Variants in MACROD2 observed in about 807,000 individuals in gnomAD.
The protein encoded by MACROD2 is mono-ADP ribosylhydrolase 2.
MACROD2 carries 36 observed loss-of-function variants against 70.4 expected under a neutral mutation model. That is an observed-to-expected ratio of 0.51 (90% CI 0.39 to 0.68). The LOEUF is 0.68. Ranked by LOEUF, MACROD2 falls within the 30% of genes least tolerant of loss-of-function variation. MACROD2 has a pLI of 0.00. For missense variants in MACROD2, 496 were observed against 538.4 expected, an observed-to-expected ratio of 0.92 and a Z score of 0.78; for synonymous variants, 172 against 178.8, an observed-to-expected ratio of 0.96 and a Z score of 0.30.
chr20:15,288,045 T>A (rs921808136), intron 6 of MACROD2, among the ~76,000 whole-genome samples: 1 of 152,234 alleles, frequency 6.6e-6, no homozygotes, highest in Non-Finnish European at 1.5e-5. Context: ...TAGAGTTAGG[T>A]AACCTGATTT....
rs185941689 is a variant in MACROD2 at position 15,288,427 on chromosome 20, C to T, written c.540+58366C>T. On this transcript the variant is annotated intron_variant, in intron 6 of 17. Coordinates refer to ENST00000684519, the MANE Select transcript of MACROD2 (RefSeq NM_001351661.2). ...AATTGACTGGACTAAGGGATACCCA[C>T]CTAATTGGTAGAACGTTATTTCTAG... 1.4e-4 allele frequency among the ~76,000 whole-genome samples: 22 copies of T among 152,238 alleles called. No individual in the cohort carries two copies. The East Asian group carries it at 3.9e-3, about 27-fold the overall frequency.
chr20:15,380,530 AC>A (rs1468052194), intron 6 of MACROD2, among the ~76,000 whole-genome samples: 1 of 152,120 alleles, frequency 6.6e-6, no homozygotes, highest in Non-Finnish European at 1.5e-5. Flanking sequence ...AATATGCAAA[AC>A]GAATCACTTC....
chr20:15,921,109 CCCATGGCTCCCAG>C (rs1190881967), intron 10 of MACROD2, among the ~76,000 whole-genome samples: 45 of 152,154 alleles, frequency 3.0e-4, no homozygotes, highest in Admixed American at 2.9e-3. Context: ...AGAGAACCCA[CCCATGGCTCCCAG>C]CTGCCCCCGT....
At chr20:14,404,211 G>A (rs958552959) in intron 3 of MACROD2, among the ~76,000 whole-genome samples, 6 of 152,138 alleles carry the variant, frequency 3.9e-5, no homozygotes, top group Non-Finnish European at 7.3e-5. Flanking sequence ...TATATATCTA[G>A]TCAGAGTTCC....
At chr20:15,887,311 C>T (rs1393957707) in intron 10 of MACROD2, among the ~76,000 whole-genome samples, 1 of 152,136 alleles carries the variant, frequency 6.6e-6, no homozygotes, top group Non-Finnish European at 1.5e-5. Flanking sequence ...CCAGTCCAAA[C>T]ATGTCTGATT....
chr20:15,604,104 G>T (rs2048860751), intron 8 of MACROD2, among the ~76,000 whole-genome samples: 1 of 152,044 alleles, frequency 6.6e-6, no homozygotes, highest in Non-Finnish European at 1.5e-5. Flanking sequence ...ACAAGATGAG[G>T]CACCTTAGAT....
intron 5 of MACROD2, among the ~76,000 whole-genome samples, chr20:14,805,488 A>G (rs1322436480): frequency 6.6e-6 from 1 of 152,094 alleles, no homozygotes; most frequent in Non-Finnish European, 1.5e-5. Flanking sequence ...CATATTAAAT[A>G]TTGATCACAT....
Position 15,253,657 on chromosome 20 carries a change from G to A in MACROD2, c.540+23596G>A, listed in dbSNP as rs1034332231. ...AACTATGGGTGAGGCCATTCCTTCC[G>A]CTGGGGCAAGAATAACTATAGATGC... On this transcript the variant is annotated intron_variant, in intron 6 of 17. Transcript: ENST00000684519. Among the ~76,000 whole-genome samples, 7 of 152,212 alleles carry A rather than the reference G, an allele frequency of 4.6e-5. No homozygotes were observed. In the South Asian group the frequency reaches 6.2e-4, roughly 14 times the overall value.
chr20:15,532,274 G>C (rs987866539), intron 8 of MACROD2, among the ~76,000 whole-genome samples: 7 of 152,080 alleles, frequency 4.6e-5, no homozygotes, highest in African/African-American at 1.7e-4. Flanking sequence ...ATTACTCATT[G>C]TTCATCTGAA....
chr20:14,775,400 T>C (rs1219905084), intron 5 of MACROD2, among the ~76,000 whole-genome samples: 1 of 152,014 alleles, frequency 6.6e-6, no homozygotes. Context: ...TGAGGGCTTG[T>C]AGAAGCTTAC....
intron 6 of MACROD2, among the ~76,000 whole-genome samples, chr20:15,410,747 T>G (rs888950148): frequency 2.6e-5 from 4 of 152,132 alleles, no homozygotes; most frequent in Admixed American, 6.5e-5. Context: ...TTCCTCCATC[T>G]GCAAGCACGC....
chr20:15,347,000 A>G (rs1343559780), intron 6 of MACROD2, among the ~76,000 whole-genome samples: 1 of 152,210 alleles, frequency 6.6e-6, no homozygotes. Flanking sequence ...GATTCAGTTT[A>G]GGAGAACCCT....
chr20:15,281,837 A>G (rs535676113), intron 6 of MACROD2, among the ~76,000 whole-genome samples: 3 of 152,278 alleles, frequency 2.0e-5, no homozygotes, highest in African/African-American at 7.2e-5. Context: ...TGGAGACTCT[A>G]ACCCCACATT....
chr20:14,816,816 A>C (rs563025823), intron 5 of MACROD2, among the ~76,000 whole-genome samples: 102 of 152,152 alleles, frequency 6.7e-4, no homozygotes, highest in African/African-American at 2.1e-3. Context: ...CCTTAAAACT[A>C]TCATTCTATT....
chr20:14,762,750 C>A (rs139945815), intron 5 of MACROD2, among the ~76,000 whole-genome samples: 1 of 151,774 alleles, frequency 6.6e-6, no homozygotes, highest in Admixed American at 6.6e-5. Context: ...TGCAACATGA[C>A]GAAACTCTGT....
At chr20:14,443,698 T>TTCA (rs1485968245) in intron 3 of MACROD2, among the ~76,000 whole-genome samples, 3 of 152,040 alleles carry the variant, frequency 2.0e-5, no homozygotes, top group African/African-American at 7.3e-5. Context: ...TATTAGTGAG[T>TTCA]GTATCAGTAG....
At chr20:15,479,306 T>A (rs2047063921) in intron 7 of MACROD2, among the ~76,000 whole-genome samples, 1 of 131,202 alleles carries the variant, frequency 7.6e-6, no homozygotes, top group Admixed American at 8.8e-5. Context: ...GGAGTCTCGC[T>A]CTGTCGCCCA....
chr20:15,635,021 G>A (rs570809355), intron 8 of MACROD2, among the ~76,000 whole-genome samples: 35 of 152,268 alleles, frequency 2.3e-4, no homozygotes, highest in African/African-American at 8.4e-4. Flanking sequence ...ATGCCTTCCT[G>A]ACCTCTGCTT....
At chr20:15,407,703 A>G (rs565983463) in intron 6 of MACROD2, among the ~76,000 whole-genome samples, 1 of 152,196 alleles carries the variant, frequency 6.6e-6, no homozygotes, top group Non-Finnish European at 1.5e-5. Flanking sequence ...CAGTGATAAT[A>G]AGAGTACCTA....
Sources: allele counts gnomAD v4.1 joint callset (sites outside exome capture counted in the v4.1 genomes callset), GRCh38; gene constraint gnomAD v4.1.1; transcripts MANE v1.5; gene names NCBI Gene and HGNC (gene_info 2026-07-23, HGNC 2026-07-21).